The following LMNA variants were observed in gnomAD, a reference collection of about 807,000 sequenced individuals.
LMNA encodes the protein lamin A/C.
In LMNA, 20 loss-of-function variants were observed where a neutral mutation model predicts 70.4. The ratio of observed to expected loss-of-function variants is 0.28; its 90% confidence interval spans 0.20 to 0.41. LMNA has a LOEUF of 0.41. Among genes scored for constraint, LMNA ranks in the 10% least tolerant of loss-of-function variants. The pLI is 1.00. For missense variants in LMNA, 652 were observed against 917.2 expected (o/e 0.71, Z 3.73); for synonymous variants, 339 against 372.8 (o/e 0.91, Z 1.04).
At chr1:156,118,039 G>C (rs1649958208) in intron 1 of LMNA, among the ~76,000 whole-genome samples, 1 of 144,294 alleles carries the variant, frequency 6.9e-6, no homozygotes, top group Non-Finnish European at 1.5e-5. Flanking sequence ...TGCTCAGCTG[G>C]TTCCGAAGTT....
At chr1:156,084,612 G>A (rs755658088) in intron 2 of LMNA, among the ~76,000 whole-genome samples, 2 of 152,200 alleles carry the variant, frequency 1.3e-5, no homozygotes, top group Non-Finnish European at 2.9e-5. Flanking sequence ...CAGGAACCTG[G>A]ATTGCAGAGA....
chr1:156,124,349 C>A (rs755197261), intron 1 of LMNA, among the ~76,000 whole-genome samples: 1 of 151,876 alleles, frequency 6.6e-6, no homozygotes, highest in Non-Finnish European at 1.5e-5. Flanking sequence ...AATGCAGTGG[C>A]GCGATCTTGG....
intron 3 of LMNA, among the ~76,000 whole-genome samples, chr1:156,092,741 G>A (rs9919256): frequency 0.31 from 46,244 of 150,464 alleles, 9,461 homozygotes; most frequent in East Asian, 0.72. Flanking sequence ...TTAGTTCCCC[G>A]TTGCCATCAG....
Position 156,139,390 on chromosome 1 carries a change from T to A in LMNA, c.*284T>A. The stretch of plus-strand genomic sequence containing the variant: ...CCCTGCTTCCAGGAAACTCCACATC[T>A]GCCTTAAAACCAAAGAGGGCTTCCT... On this transcript the variant is annotated 3_prime_UTR_variant, in exon 12 of 12. Coordinates refer to ENST00000368300, the MANE Select transcript of LMNA (RefSeq NM_170707.4). 7.3e-7 allele frequency: 1 copy of A among 1,376,144 alleles called. No homozygotes were observed. The highest frequency in any genetic ancestry group is 9.4e-7 in the Non-Finnish European group (1 of 1,067,894). 85.2% of individuals were successfully genotyped at this position (1,376,144 alleles called of 1,614,324 possible).
chr1:156,132,309 C>G (rs2908712), intron 2 of LMNA, among the ~76,000 whole-genome samples: 1 of 151,408 alleles, frequency 6.6e-6, no homozygotes, highest in Non-Finnish European at 1.5e-5. Flanking sequence ...ATCTCTACTA[C>G]AAATACAAAA....
At chr1:156,127,030 C>A in intron 1 of LMNA, 1 of 949,176 alleles carries the variant, frequency 1.1e-6, no homozygotes, top group Non-Finnish European at 1.5e-6. Flanking sequence ...CCCACCCTGT[C>A]CTCCCTGCCA....
At position 156,134,988 on chromosome 1, in the gene LMNA, G is replaced by T. The variant is rs11264444; in HGVS notation, c.810+13G>T. 9.9e-3 allele frequency: 15,965 copies of T among 1,614,046 alleles called. 1,382 individuals carry two copies. In the African/African-American group the frequency reaches 0.19, roughly 19 times the overall value. ...TTATTCTGCCAAGGTGCTTGCTCTCGATTGGTTCCCTCACTGCCTCTGCCC... is the reference window on the plus strand; with the variant it reads ...TTATTCTGCCAAGGTGCTTGCTCTCTATTGGTTCCCTCACTGCCTCTGCCC... On this transcript the variant is annotated intron_variant, in intron 4 of 11. Transcript: ENST00000368300. This position sits in a 1 kb window ranked among gnomAD's most constrained non-coding sequence, Gnocchi z 5.3.
At chr1:156,091,931 T>G (rs888630428) in intron 3 of LMNA, among the ~76,000 whole-genome samples, 15 of 152,152 alleles carry the variant, frequency 9.9e-5, no homozygotes, top group African/African-American at 3.6e-4. Context: ...AATTTTTTTT[T>G]TTTGAGATGG....
At chr1:156,124,734 G>A (rs982804665) in intron 1 of LMNA, among the ~76,000 whole-genome samples, 3 of 152,076 alleles carry the variant, frequency 2.0e-5, no homozygotes, top group Admixed American at 1.3e-4. Flanking sequence ...TTGCCGGGTT[G>A]GGGGGGAGGT....
At chr1:156,102,825 G>A (rs1463342371) in intron 3 of LMNA, among the ~76,000 whole-genome samples, 1 of 152,210 alleles carries the variant, frequency 6.6e-6, no homozygotes, top group Non-Finnish European at 1.5e-5. Flanking sequence ...ATGGGAGTTT[G>A]GAAAACAACA....
rs1651336778 is a variant in LMNA, at chr1:156,134,403, C to G, written c.514C>G (p.Leu172Val). 1.2e-6 allele frequency: 2 copies of G among 1,613,944 alleles called. 1 individual carries two copies. The highest frequency in any genetic ancestry group is 2.2e-5 in the South Asian group (2 of 91,082). The part of the protein sequence containing the change: ...LHDLRGQVAK[L>V]EAALGEAKKQ... ...CTCATCTCTGCCTGCTTCCTCACAGCTTGAGGCAGCCCTAGGTGAGGCCAA... is the reference window on the plus strand; with the variant it reads ...CTCATCTCTGCCTGCTTCCTCACAGGTTGAGGCAGCCCTAGGTGAGGCCAA... The change falls in exon 3 of 12, where the codon CTT becomes GTT. Residue 172 changes from leucine (L) to valine (V), a missense_variant and splice_region_variant. By Grantham distance (32) the Leu-to-Val change is conservative. Transcript: ENST00000368300. The surrounding 1 kb of genome is among the most constrained non-coding windows in gnomAD (Gnocchi z 5.3).
intron 3 of LMNA, among the ~76,000 whole-genome samples, chr1:156,102,892 T>C (rs944303805): frequency 6.6e-6 from 1 of 152,202 alleles, no homozygotes; most frequent in Non-Finnish European, 1.5e-5. Context: ...GCTGTGTCTA[T>C]AGGTCTTCCC....
chr1:156,114,788 G>A lies in LMNA; in HGVS notation c.-131G>A, dbSNP rs1336861498. On this transcript the variant is annotated 5_prime_UTR_variant, in exon 1 of 12. Coordinates refer to ENST00000368300, the MANE Select transcript of LMNA (RefSeq NM_170707.4). ...GACAGCGCCCGGCCCAGATCCCCAC[G>A]CCTGCCAGGAGCAAGCCGAGAGCCA... 2 of 660,622 alleles carry A rather than the reference G, an allele frequency of 3.0e-6. No homozygotes were observed. Among genetic ancestry groups the A allele is most frequent in the Non-Finnish European group, 5.0e-6 (2 of 401,518 alleles). 40.9% of individuals were successfully genotyped at this position (660,622 alleles called of 1,614,324 possible).
chr1:156,090,883 AC>A (rs1026644184), intron 3 of LMNA: 4 of 152,220 alleles, frequency 2.6e-5, no homozygotes, highest in African/African-American at 9.7e-5. Context: ...AACATTGGCC[AC>A]CAGGTGGCGC....
At chr1:156,082,819 A>G (rs1421485979) in intron 1 of LMNA, 2 of 132,262 alleles carry the variant, frequency 1.5e-5, no homozygotes, top group South Asian at 2.6e-4. Context: ...GGAAATGAGG[A>G]GGGGGGGCCG....
intron 3 of LMNA, among the ~76,000 whole-genome samples, chr1:156,104,674 C>T (rs573077465): frequency 2.0e-5 from 3 of 152,278 alleles, no homozygotes; most frequent in African/African-American, 4.8e-5. Context: ...GCTTCTCCCC[C>T]GCTACATCTC....
chr1:156,090,059 G>A (rs1360540957), intron 2 of LMNA, among the ~76,000 whole-genome samples: 1 of 152,190 alleles, frequency 6.6e-6, no homozygotes, highest in Non-Finnish European at 1.5e-5. Context: ...GGGGCAGGGA[G>A]GGGGAGGCAG....
At chr1:156,096,272 G>T (rs751072521) in intron 3 of LMNA, among the ~76,000 whole-genome samples, 17 of 152,204 alleles carry the variant, frequency 1.1e-4, no homozygotes, top group Non-Finnish European at 1.5e-5. Context: ...TATTCAAGCA[G>T]GATCCTGTAG....
At chr1:156,126,620 A>G (rs1173733371) in intron 1 of LMNA, 2 of 1,022,700 alleles carry the variant, frequency 2.0e-6, no homozygotes, top group Non-Finnish European at 3.1e-6. Flanking sequence ...CACCAGGCAC[A>G]GCTCTTCAGA....
Sources: allele counts gnomAD v4.1 joint callset (sites outside exome capture counted in the v4.1 genomes callset), GRCh38; gene constraint gnomAD v4.1.1; non-coding constraint Gnocchi (gnomAD v3.1); transcripts MANE v1.5; gene names NCBI Gene and HGNC (gene_info 2026-07-23, HGNC 2026-07-21).